Variants in DMRT1 observed in about 807,000 individuals in gnomAD.
DMRT1 encodes doublesex and mab-3 related transcription factor 1.
DMRT1 carries 7 observed loss-of-function variants against 32.3 expected under a neutral mutation model. The ratio of observed to expected loss-of-function variants is 0.22; its 90% CI spans 0.12 to 0.41. DMRT1 has a LOEUF of 0.41. Ranked by LOEUF, DMRT1 falls within the 10% of genes least tolerant of loss-of-function variation. DMRT1 has a pLI of 1.00. For missense variants in DMRT1, 625 were observed against 500.5 expected (o/e 1.25, Z -2.37); for synonymous variants, 278 against 206.1 (o/e 1.35, Z -2.99).
chr9:926,163 T>C (rs1818517607), intron 4 of DMRT1, among the ~76,000 whole-genome samples: 1 of 62,014 alleles, frequency 1.6e-5, no homozygotes, highest in African/African-American at 5.9e-5. Context: ...CTTCGGCATA[T>C]CAGGTGTGGT....
chr9:900,425 T>C (rs1258767288), intron 3 of DMRT1, among the ~76,000 whole-genome samples: 2 of 152,098 alleles, frequency 1.3e-5, no homozygotes, highest in East Asian at 3.9e-4. Context: ...ACAACCTGTT[T>C]GTTAGCTTGA....
At chr9:943,387 C>T (rs1819140883) in intron 4 of DMRT1, among the ~76,000 whole-genome samples, 1 of 152,182 alleles carries the variant, frequency 6.6e-6, no homozygotes, top group Admixed American at 6.5e-5. Context: ...CATCTCCATG[C>T]AGGTTGCTGT....
intron 4 of DMRT1, among the ~76,000 whole-genome samples, chr9:922,378 T>C (rs1818383366): frequency 6.6e-6 from 1 of 152,144 alleles, no homozygotes; most frequent in South Asian, 2.1e-4. Flanking sequence ...TAGTAACAGA[T>C]GCAAGCTGTT....
At chr9:927,224 C>T (rs956886415) in intron 4 of DMRT1, among the ~76,000 whole-genome samples, 7 of 152,216 alleles carry the variant, frequency 4.6e-5, no homozygotes, top group East Asian at 3.9e-4. Context: ...TTCGGCCGGC[C>T]GCTGTCTTTG....
chr9:949,970 T>C (rs1365451145), intron 4 of DMRT1, among the ~76,000 whole-genome samples: 1 of 152,222 alleles, frequency 6.6e-6, no homozygotes, highest in East Asian at 1.9e-4. Context: ...AGTGGACATG[T>C]AGGTTGCTTC....
At chr9:857,657 G>C (rs1050284134) in intron 2 of DMRT1, among the ~76,000 whole-genome samples, 57 of 151,678 alleles carry the variant, frequency 3.8e-4, no homozygotes, top group African/African-American at 1.2e-3. Context: ...TTAAGTTTTA[G>C]GGTACATGTG....
At chr9:844,471 T>C (rs1838815899) in intron 1 of DMRT1, among the ~76,000 whole-genome samples, 1 of 152,168 alleles carries the variant, frequency 6.6e-6, no homozygotes, top group African/African-American at 2.4e-5. Flanking sequence ...TGCAGGGGTT[T>C]AAAACTTGTT....
At chr9:948,913 A>C in intron 4 of DMRT1, among the ~76,000 whole-genome samples, 1 of 136,624 alleles carries the variant, frequency 7.3e-6, no homozygotes, top group South Asian at 2.3e-4. Context: ...AAATAATAAT[A>C]ATAATAATAA....
chr9:938,212 C>T (rs1332664352), intron 4 of DMRT1, among the ~76,000 whole-genome samples: 2 of 151,856 alleles, frequency 1.3e-5, no homozygotes, highest in African/African-American at 4.8e-5. Context: ...AAATGTGATC[C>T]CTCTAATTTT....
intron 2 of DMRT1, among the ~76,000 whole-genome samples, chr9:874,015 C>G (rs1221650531): frequency 6.6e-6 from 1 of 152,130 alleles, no homozygotes. Context: ...AGTATGGTGA[C>G]CATGTATTTT....
chr9:853,031 A>G (rs756859615), intron 2 of DMRT1, among the ~76,000 whole-genome samples: 1 of 152,238 alleles, frequency 6.6e-6, no homozygotes, highest in Admixed American at 6.5e-5. Flanking sequence ...TTTACAAGTA[A>G]GAGATATGGC....
intron 2 of DMRT1, among the ~76,000 whole-genome samples, chr9:856,938 A>G (rs912038272): frequency 2.0e-5 from 3 of 152,208 alleles, no homozygotes; most frequent in Non-Finnish European, 4.4e-5. Context: ...GCTACAGGTA[A>G]TTAAAACCCT....
At position 960,746 on chromosome 9, in the gene DMRT1, A is replaced by G. The variant is rs936056929; in HGVS notation, c.968-7239A>G. ...AGCCAGCCAGAAGCAGGCCTCCCTC[A>G]GCCCTCCTGCCTAGCGTGCAGTGTG... On this transcript the variant is annotated intron_variant, in intron 4 of 4. Coordinates refer to ENST00000382276, the MANE Select transcript of DMRT1 (RefSeq NM_021951.3). 4.6e-5 allele frequency among the ~76,000 whole-genome samples: 7 copies of G among 152,336 alleles called. No individual in the cohort carries two copies. The South Asian group carries it at 1.2e-3, about 27-fold the overall frequency.
chr9:904,666 C>T (rs545631718), intron 3 of DMRT1, among the ~76,000 whole-genome samples: 2 of 152,210 alleles, frequency 1.3e-5, no homozygotes, highest in East Asian at 3.9e-4. Context: ...CCCATGTGGC[C>T]GGGTGCTATG....
At chr9:894,253 A>G (rs1817266442) in intron 3 of DMRT1, 58 bp downstream of exon 3, 4 of 1,525,754 alleles carry the variant, frequency 2.6e-6, no homozygotes, top group Admixed American at 3.3e-5. Flanking sequence ...ATGCATGTGC[A>G]CACACATGCA....
intron 2 of DMRT1, among the ~76,000 whole-genome samples, chr9:867,062 A>G (rs1445588844): frequency 1.3e-5 from 2 of 152,174 alleles, no homozygotes; most frequent in African/African-American, 4.8e-5. Context: ...CTTGGAGAGA[A>G]GGAGAATAAC....
chr9:870,297 G>C (rs540687875), intron 2 of DMRT1, among the ~76,000 whole-genome samples: 1 of 152,240 alleles, frequency 6.6e-6, no homozygotes, highest in Non-Finnish European at 1.5e-5. Context: ...TACTCGGGAG[G>C]CTGAGGCAAG....
intron 4 of DMRT1, among the ~76,000 whole-genome samples, chr9:954,503 C>T (rs533867571): frequency 1.3e-5 from 2 of 152,046 alleles, no homozygotes; most frequent in African/African-American, 2.4e-5. Context: ...TCTTAAGCTT[C>T]GAGTCTGAGC....
intron 1 of DMRT1, 87 bp from the exon 2 acceptor site, chr9:846,873 A>G: frequency 1.3e-6 from 2 of 1,504,194 alleles, no homozygotes; most frequent in Non-Finnish European, 1.8e-6. Context: ...CTAGTGAATC[A>G]TGGTGTCTGG....
Sources: allele counts gnomAD v4.1 joint callset (sites outside exome capture counted in the v4.1 genomes callset), GRCh38; gene constraint gnomAD v4.1.1; transcripts MANE v1.5; gene names NCBI Gene and HGNC (gene_info 2026-07-23, HGNC 2026-07-21).